Variants in CCDC12 observed in about 807,000 individuals in gnomAD.
CCDC12 encodes the protein coiled-coil domain containing 12.
Under a neutral mutation model 25.7 loss-of-function variants are expected in CCDC12, and 28 were observed. The ratio of observed to expected loss-of-function variants is 1.09; its 90% CI spans 0.81 to 1.50. The LOEUF (loss-of-function observed/expected upper bound fraction) is 1.50. Ranked by LOEUF, CCDC12 falls within the 40% of genes most tolerant of loss-of-function variation. The pLI, the probability that CCDC12 is intolerant of heterozygous loss-of-function variation, is 0.00. For synonymous variants in CCDC12, 75 were observed against 87.7 expected (o/e 0.86, Z 0.81); for missense variants, 198 against 210.0 (o/e 0.94, Z 0.35).
chr3:46,937,696 A>G (rs574850623), intron 2 of CCDC12, among the ~76,000 whole-genome samples: 4 of 152,192 alleles, frequency 2.6e-5, no homozygotes, highest in Non-Finnish European at 5.9e-5. Flanking sequence ...AATAAAAAGC[A>G]AGATCCCCTG....
At chr3:46,958,626 T>C (rs2034371956) in intron 1 of CCDC12, among the ~76,000 whole-genome samples, 1 of 152,180 alleles carries the variant, frequency 6.6e-6, no homozygotes, top group South Asian at 2.1e-4. Context: ...AAAGTTGCGT[T>C]ACATTCCATT....
At chr3:46,979,690 T>G, upstream of CCDC12, 1 of 314,856 alleles carries the variant, frequency 3.2e-6, no homozygotes, top group Non-Finnish European at 5.8e-6. Flanking sequence ...GCGAGCAGAC[T>G]TGGGTGGCTC....
intron 2 of CCDC12, among the ~76,000 whole-genome samples, chr3:46,935,696 G>C (rs939492962): frequency 6.6e-6 from 1 of 152,142 alleles, no homozygotes; most frequent in Admixed American, 6.5e-5. Flanking sequence ...CAGAGACAGG[G>C]AAGAGTCAGC....
intron 3 of CCDC12, chr3:46,923,881 C>T (rs1047329264): frequency 4.9e-6 from 2 of 409,814 alleles, no homozygotes; most frequent in East Asian, 3.6e-5. Flanking sequence ...CCCCACAGGC[C>T]AAGAATGGGA....
chr3:46,925,574 G>T, intron 2 of CCDC12, 39 bp from the exon 3 acceptor site: 1 of 1,443,714 alleles, frequency 6.9e-7, no homozygotes, highest in Non-Finnish European at 9.4e-7. Flanking sequence ...TGAAGTCAGT[G>T]TGTGACATGG....
chr3:46,933,484 C>G (rs1367368736), intron 2 of CCDC12, among the ~76,000 whole-genome samples: 1 of 152,200 alleles, frequency 6.6e-6, no homozygotes, highest in Non-Finnish European at 1.5e-5. Flanking sequence ...ACGGCTGTTC[C>G]AGGCAATGAC....
At chr3:46,946,732 C>A (rs989814242) in intron 1 of CCDC12, among the ~76,000 whole-genome samples, 5 of 152,202 alleles carry the variant, frequency 3.3e-5, no homozygotes, top group Non-Finnish European at 5.9e-5. Flanking sequence ...CCTGGACCTG[C>A]CCCAGCCTGC....
chr3:46,940,318 G>A (rs1266934421), intron 2 of CCDC12, among the ~76,000 whole-genome samples: 1 of 152,186 alleles, frequency 6.6e-6, no homozygotes, highest in Non-Finnish European at 1.5e-5. Flanking sequence ...CAATCACGAG[G>A]GAAGTGTACC....
chr3:46,944,829 C>A (rs569093592), intron 1 of CCDC12, among the ~76,000 whole-genome samples: 1 of 152,302 alleles, frequency 6.6e-6, no homozygotes, highest in African/African-American at 2.4e-5. Flanking sequence ...TCAGACCACA[C>A]TGCACCTCCG....
upstream of CCDC12, chr3:46,976,822 G>T: frequency 2.0e-6 from 3 of 1,533,888 alleles, no homozygotes; most frequent in Non-Finnish European, 1.8e-6. Flanking sequence ...ATCCAAGGAC[G>T]AGAATGAGAG....
chr3:46,930,877 C>A (rs929379343), intron 2 of CCDC12, among the ~76,000 whole-genome samples: 5 of 152,200 alleles, frequency 3.3e-5, no homozygotes. Context: ...CCACAGCAGG[C>A]CCCACTCCAT....
chr3:46,977,724 A>G (rs1036346835), upstream of CCDC12, among the ~76,000 whole-genome samples: 5 of 152,128 alleles, frequency 3.3e-5, no homozygotes, highest in African/African-American at 9.7e-5. Context: ...GGAGCAGCAA[A>G]GTCCTCAGGG....
At chr3:46,952,170 G>A (rs745642938) in intron 1 of CCDC12, among the ~76,000 whole-genome samples, 59 of 152,054 alleles carry the variant, frequency 3.9e-4, no homozygotes, top group Non-Finnish European at 6.2e-4. Context: ...ACTGCTCACA[G>A]CACCTGGCAC....
rs1287528731 is a variant in CCDC12, at chr3:46,922,219, C to A, written c.418+17G>T. ...ACCCAGTGGGCAGGACCCCACCTTC[C>A]CAGGCACTGCACTTACGGATCAGCT... On this transcript the variant is annotated intron_variant, in intron 6 of 6. Coordinates refer to ENST00000683445, the MANE Select transcript of CCDC12 (RefSeq NM_001277074.2). 1 of 1,614,268 alleles carries A rather than the reference C, an allele frequency of 6.2e-7. No individual in the cohort carries two copies.
chr3:46,928,065 A>G (rs1261210655), intron 2 of CCDC12, among the ~76,000 whole-genome samples: 2 of 152,182 alleles, frequency 1.3e-5, no homozygotes, highest in East Asian at 3.8e-4. Flanking sequence ...CCTGGCCAAC[A>G]GGGCGAAACC....
chr3:46,929,979 C>T (rs1385358113), intron 2 of CCDC12, among the ~76,000 whole-genome samples: 1 of 133,816 alleles, frequency 7.5e-6, no homozygotes, highest in Non-Finnish European at 1.5e-5. Context: ...TGCAGTGAGC[C>T]GAGATGGTGC....
intron 1 of CCDC12, chr3:46,976,283 A>G: frequency 2.7e-6 from 3 of 1,123,638 alleles, no homozygotes; most frequent in Non-Finnish European, 3.3e-6. Context: ...CAGCTAGGCC[A>G]TAGAGGAACG....
In CCDC12 at chr3:46,939,480, C is replaced by G. The variant is rs541538384; in HGVS notation, c.164+1518G>C. ...AGAATAAACCAGAAGACCAAAGGGCCTCTAATATGTAGTTACCACAGAATG... is the reference window on the plus strand; with the variant it reads ...AGAATAAACCAGAAGACCAAAGGGCGTCTAATATGTAGTTACCACAGAATG... On this transcript the variant is annotated intron_variant, in intron 2 of 6. Coordinates refer to ENST00000683445, the MANE Select transcript of CCDC12 (RefSeq NM_001277074.2). Among the ~76,000 whole-genome samples the G allele has an allele frequency of 2.7e-3, 412 of 152,156 alleles. 1 individual carries two copies. Among genetic ancestry groups the G allele is most frequent in the Middle Eastern group, 6.8e-3 (2 of 292 alleles).
chr3:46,927,895 C>G (rs2033037995), intron 2 of CCDC12, among the ~76,000 whole-genome samples: 1 of 152,152 alleles, frequency 6.6e-6, no homozygotes, highest in Non-Finnish European at 1.5e-5. Flanking sequence ...AACTGCCCAC[C>G]CCCGGAATTC....
Sources: gnomAD v4.1 joint callset for allele counts (sites outside exome capture counted in the v4.1 genomes callset) on GRCh38, gnomAD v4.1.1 for gene constraint, MANE v1.5 for transcripts, NCBI Gene and HGNC (gene_info 2026-07-23, HGNC 2026-07-21) for gene names.